Variants in ZNF462 observed in about 807,000 individuals in gnomAD.
ZNF462 encodes the protein zinc finger protein 462.
A neutral mutation model predicts 201.9 loss-of-function variants in ZNF462; 10 were observed. That is an observed-to-expected ratio of 0.05 (90% CI 0.03 to 0.08). ZNF462 has a LOEUF of 0.08. Ranked by LOEUF, ZNF462 falls within the 10% of genes least tolerant of loss-of-function variation. The pLI is 1.00. For missense variants in ZNF462, 2,523 were observed against 3,168.3 expected, an observed-to-expected ratio of 0.80 and a Z score of 4.89; for synonymous variants, 1,227 against 1,193.3, an observed-to-expected ratio of 1.03 and a Z score of -0.58.
At chr9:106,899,072 A>G (rs1157621041) in intron 1 of ZNF462, among the ~76,000 whole-genome samples, 1 of 151,944 alleles carries the variant, frequency 6.6e-6, no homozygotes, top group Non-Finnish European at 1.5e-5. Flanking sequence ...AGGTTTGGAG[A>G]ATTTAAATAG....
intron 6 of ZNF462, among the ~76,000 whole-genome samples, chr9:106,936,070 G>A (rs1383596236): frequency 6.6e-6 from 1 of 152,236 alleles, no homozygotes; most frequent in African/African-American, 2.4e-5. Flanking sequence ...CCTTAGATAT[G>A]TTTCCGTACA....
In ZNF462 at chr9:106,920,258, C is replaced by CTTCCCCTCCACTTGCTGTCACTTTT. The variant is rs1829937346; in HGVS notation, c.-30-3094_-30-3070dup. Among the ~76,000 whole-genome samples, 1 of 152,102 alleles carries CTTCCCCTCCACTTGCTGTCACTTTT rather than the reference C, an allele frequency of 6.6e-6. No individual in the cohort carries two copies. The highest frequency in any genetic ancestry group is 2.4e-5 in the African/African-American group (1 of 41,400). On this transcript the variant is annotated intron_variant, in intron 1 of 12. Coordinates refer to ENST00000277225, the MANE Select transcript of ZNF462 (RefSeq NM_021224.6). The surrounding 1 kb of genome is among the most constrained non-coding windows in gnomAD (Gnocchi z 4.3). ...TTTTGTCTCTGTCCTTCTCTACTCC[C>CTTCCCCTCCACTTGCTGTCACTTTT]TTCCCCTCCACTTGCTGTCACTTTT...
At position 106,928,694 on chromosome 9, in the gene ZNF462, C is replaced by A. The variant is rs1483589138; in HGVS notation, c.4782C>A (p.Ile1594=). 5.6e-6 allele frequency: 9 copies of A among 1,614,042 alleles called. No homozygotes were observed. Among genetic ancestry groups the A allele is most frequent in the African/African-American group, 1.3e-5 (1 of 74,906 alleles). ...ACGGCACTTTGGAGAAACTAAAAAT[C>A]CACTACGAGAAGTATCACAATCAGC... is the stretch of plus-strand genomic sequence containing the variant. The part of the protein sequence containing the change: ...YTHGTLEKLK[I]HYEKYHNQPE... The change falls in exon 3 of 13, where the codon ATC becomes ATA. Residue 1594 remains isoleucine, a synonymous_variant. Transcript: ENST00000277225. This position sits in a 1 kb window ranked among gnomAD's most constrained non-coding sequence, Gnocchi z 9.3.
rs962253808 is a variant in ZNF462, at chr9:107,012,439, CTTTTTTTTTTT to C, written c.*1424_*1434del. On this transcript the variant is annotated 3_prime_UTR_variant, in exon 13 of 13. Coordinates refer to ENST00000277225, the MANE Select transcript of ZNF462 (RefSeq NM_021224.6). ...GCCTGGAGAACTACTTTCTTTCTTTCTTTTTTTTTTTTTTTTTTTTTTTTTAAATCTAGCTG... is the reference window on the plus strand; with the variant it reads ...GCCTGGAGAACTACTTTCTTTCTTTCTTTTTTTTTTTTTTAAATCTAGCTG... 1 of 86,312 alleles carries C rather than the reference CTTTTTTTTTTT, an allele frequency of 1.2e-5. No individual in the cohort carries two copies. Among genetic ancestry groups the C allele is most frequent in the African/African-American group, 4.3e-5 (1 of 23,494 alleles). 5.3% of individuals were successfully genotyped at this position (86,312 alleles called of 1,614,324 possible). A position where few individuals can be genotyped will look rare whatever the true frequency, so the allele number is the denominator to read the frequency against.
In ZNF462 at chr9:107,010,717, G is replaced by A. The variant is rs931376365; in HGVS notation, c.7314-106G>A. The stretch of plus-strand genomic sequence containing the variant: ...TTCAAAGGAAACCCCAAGGCTTTTT[G>A]AGGATCAGGAAAATAAAGACACTCG... On this transcript the variant is annotated intron_variant, in intron 12 of 12. Transcript: ENST00000277225. The surrounding 1 kb of genome is among the most constrained non-coding windows in gnomAD (Gnocchi z 4.6). 2 of 1,136,844 alleles carry A rather than the reference G, an allele frequency of 1.8e-6. No homozygotes were observed. The highest frequency in any genetic ancestry group is 2.9e-5 in the Admixed American group (1 of 34,344). The allele number at this position is 1,136,844 out of a possible 1,614,324, so 70.4% of individuals were successfully genotyped here.
At chr9:106,998,730 C>T (rs1828932442) in intron 10 of ZNF462, among the ~76,000 whole-genome samples, 1 of 152,118 alleles carries the variant, frequency 6.6e-6, no homozygotes, top group Admixed American at 6.6e-5. Context: ...GCCTCAGCCT[C>T]CCAAGTAGCT....
Position 106,929,442 on chromosome 9 carries a change from C to T in ZNF462, c.5530C>T (p.Leu1844Phe), listed in dbSNP as rs1364913610. 2 of 1,614,090 alleles carry T rather than the reference C, an allele frequency of 1.2e-6. No individual in the cohort carries two copies. The highest frequency in any genetic ancestry group is 1.1e-5 in the South Asian group (1 of 91,086). ...VEGEAQEIEWLPFRCIKCFKL... is the reference protein window; with the variant it reads ...VEGEAQEIEWFPFRCIKCFKL... ...GGGTGAAGCTCAGGAAATCGAGTGG[C>T]TCCCATTCCGCTGCATCAAATGCTT... Residue 1844 changes from leucine to phenylalanine, a missense_variant, in exon 3 of 13, where the codon CTC becomes TTC. By Grantham distance (22) the Leu-to-Phe change is conservative. This residue lies in a region of ZNF462 where 207 missense variants were observed against 231.6 expected (regional missense o/e 0.89). Coordinates refer to ENST00000277225, the MANE Select transcript of ZNF462 (RefSeq NM_021224.6). This position sits in a 1 kb window ranked among gnomAD's most constrained non-coding sequence, Gnocchi z 8.7.
chr9:106,888,566 C>T (rs577072805), intron 1 of ZNF462, among the ~76,000 whole-genome samples: 1 of 149,998 alleles, frequency 6.7e-6, no homozygotes, highest in South Asian at 2.1e-4. Flanking sequence ...CCATCTTGGC[C>T]AGTTTGGAAA....
At chr9:106,887,319 G>T (rs1012039246) in intron 1 of ZNF462, among the ~76,000 whole-genome samples, 5 of 152,098 alleles carry the variant, frequency 3.3e-5, no homozygotes, top group Admixed American at 1.3e-4. Flanking sequence ...ATCCACAGCT[G>T]GCTTTTCCTT....
intron 8 of ZNF462, among the ~76,000 whole-genome samples, chr9:106,973,487 G>T (rs747167495): frequency 1.3e-5 from 2 of 152,198 alleles, no homozygotes; most frequent in African/African-American, 2.4e-5. Flanking sequence ...CGACAGACAG[G>T]CAGACACTTT....
rs1476804472 is a variant in ZNF462, at chr9:107,010,886, C to G, written c.7377C>G (p.Asn2459Lys). The change falls in exon 13 of 13, where the codon AAC becomes AAG. Residue 2459 changes from asparagine to lysine, a missense_variant. Around this residue, in one of 15 missense-constraint regions of ZNF462, gnomAD observed 67 missense variants for 63.2 expected, o/e 1.06. Coordinates refer to ENST00000277225, the MANE Select transcript of ZNF462 (RefSeq NM_021224.6). This position sits in a 1 kb window ranked among gnomAD's most constrained non-coding sequence, Gnocchi z 4.6. ...TCCACCCAAAAGAGATCATGGAGAA[C>G]AGTGTTAAAATGCCCTCCATAGAGG... ...EEIHPKEIME[N>K]SVKMPSIEEK... The G allele has an allele frequency of 1.9e-6, 3 of 1,613,432 alleles. No individual in the cohort carries two copies. Among genetic ancestry groups the G allele is most frequent in the Non-Finnish European group, 2.5e-6 (3 of 1,179,748 alleles).
At chr9:106,979,686 T>TA (rs5899724) in intron 9 of ZNF462, 26,095 of 148,538 alleles carry the variant, frequency 0.18, 3,186 homozygotes, top group African/African-American at 0.32. Context: ...AACAGGTGAA[T>TA]AATAGTTTTA....
chr9:106,982,700 A>T (rs548884715), intron 9 of ZNF462, among the ~76,000 whole-genome samples: 3 of 152,224 alleles, frequency 2.0e-5, no homozygotes, highest in Non-Finnish European at 2.9e-5. Context: ...TATGTTGCAG[A>T]TACCACCTTC....
At chr9:106,967,330 G>C (rs1832120010) in intron 7 of ZNF462, among the ~76,000 whole-genome samples, 1 of 152,040 alleles carries the variant, frequency 6.6e-6, no homozygotes, top group Non-Finnish European at 1.5e-5. Context: ...TGTGGAATTG[G>C]AACTGTGAAT....
Position 106,993,679 on chromosome 9 carries a change from C to T in ZNF462, c.7056+9270C>T, listed in dbSNP as rs1050786040. Among the ~76,000 whole-genome samples the T allele has an allele frequency of 1.3e-5, 2 of 150,762 alleles. No homozygotes were observed. Among genetic ancestry groups the T allele is most frequent in the Admixed American group, 1.3e-4 (2 of 15,086 alleles). ...TCTCTGTCCCCCAACATTCTACCCC[C>T]CAACACACATAGTGAATTATTTATC... is the stretch of plus-strand genomic sequence containing the variant. On this transcript the variant is annotated intron_variant, in intron 10 of 12. Coordinates refer to ENST00000277225, the MANE Select transcript of ZNF462 (RefSeq NM_021224.6). The surrounding 1 kb of genome is among the most constrained non-coding windows in gnomAD (Gnocchi z 4.0).
intron 9 of ZNF462, chr9:106,979,300 T>A (rs1183768684): frequency 1.3e-5 from 2 of 152,080 alleles, no homozygotes; most frequent in Non-Finnish European, 2.9e-5. Flanking sequence ...GGGGTCCAAG[T>A]CATGGGTGAA....
In ZNF462 at chr9:106,966,401, T is replaced by C. The variant is rs1735300938; in HGVS notation, c.6428-5604T>C. On this transcript the variant is annotated intron_variant, in intron 7 of 12. Transcript: ENST00000277225. This position sits in a 1 kb window ranked among gnomAD's most constrained non-coding sequence, Gnocchi z 4.4. ...AGGTGTAGTGAGTTGAACGTTTAGG[T>C]AGCTGCGTGTCTAGTGTTGATTTCA... Among the ~76,000 whole-genome samples the C allele has an allele frequency of 6.6e-6, 1 of 152,048 alleles. No homozygotes were observed. Among genetic ancestry groups the C allele is most frequent in the South Asian group, 2.1e-4 (1 of 4,826 alleles).
intron 1 of ZNF462, among the ~76,000 whole-genome samples, chr9:106,918,615 C>T (rs991816302): frequency 6.6e-6 from 1 of 152,068 alleles, no homozygotes; most frequent in Admixed American, 6.6e-5. Flanking sequence ...TTTACTAGTG[C>T]CTTTTTAAAA....
At chr9:106,951,004 T>G (rs1831319877) in intron 7 of ZNF462, among the ~76,000 whole-genome samples, 1 of 151,704 alleles carries the variant, frequency 6.6e-6, no homozygotes, top group South Asian at 2.1e-4. Context: ...GTGGGAGAAT[T>G]GCTTGAACCC....
Sources: allele counts gnomAD v4.1 joint callset (sites outside exome capture counted in the v4.1 genomes callset), GRCh38; gene constraint gnomAD v4.1.1; regional missense constraint gnomAD v4.1.1; non-coding constraint Gnocchi (gnomAD v3.1); transcripts MANE v1.5; gene names NCBI Gene and HGNC (gene_info 2026-07-23, HGNC 2026-07-21).